CEP128: variants seen among roughly 807,000 people sequenced by gnomAD.
CEP128 encodes centrosomal protein 128, also known as centrosomal protein 128kDa.
In CEP128, 132 loss-of-function variants were observed where a neutral mutation model predicts 156.7. The ratio of observed to expected loss-of-function variants is 0.84; its 90% CI spans 0.73 to 0.97. CEP128 has a LOEUF of 0.97. Among genes scored for constraint, CEP128 ranks in the 50% least tolerant of loss-of-function variants. The pLI is 0.00. For synonymous variants in CEP128, 469 were observed against 448.9 expected (o/e 1.04, Z -0.57); for missense variants, 1,252 against 1,281.9 (o/e 0.98, Z 0.36).
chr14:80,931,492 CTT>C (rs1885465146), intron 2 of CEP128, among the ~76,000 whole-genome samples: 1 of 152,188 alleles, frequency 6.6e-6, no homozygotes, highest in Non-Finnish European at 1.5e-5. Context: ...CACATCATCT[CTT>C]ATACACAGAA....
rs183482782 is a variant in CEP128, at chr14:80,765,407, G to A, written c.2377-3794C>T. Among the ~76,000 whole-genome samples the A allele has an allele frequency of 7.9e-5, 12 of 152,244 alleles. No individual in the cohort carries two copies. The East Asian group carries it at 1.7e-3, about 22-fold the overall frequency. On this transcript the variant is annotated intron_variant, in intron 16 of 24. Transcript: ENST00000555265. ...ATTTAGAGGCATTCAAATAAGTAACGGCAGATGATAATATTTAGGCACTAT... is the reference window on the plus strand; with the variant it reads ...ATTTAGAGGCATTCAAATAAGTAACAGCAGATGATAATATTTAGGCACTAT...
At chr14:80,749,315 G>T (rs757040391) in intron 18 of CEP128, among the ~76,000 whole-genome samples, 1 of 152,200 alleles carries the variant, frequency 6.6e-6, no homozygotes, top group Non-Finnish European at 1.5e-5. Flanking sequence ...TCAGGATAGC[G>T]ATGTCTGCGC....
chr14:80,838,104 A>G (rs1886174278), intron 11 of CEP128, 100 bp downstream of exon 11: 1 of 788,168 alleles, frequency 1.3e-6, no homozygotes, highest in Non-Finnish European at 2.1e-6. Context: ...CATTTTTTCT[A>G]GACCTAGTTC....
At chr14:80,763,249 G>T (rs2139694278) in intron 16 of CEP128, among the ~76,000 whole-genome samples, 1 of 152,204 alleles carries the variant, frequency 6.6e-6, no homozygotes, top group Admixed American at 6.5e-5. Context: ...ATTCTTCTAG[G>T]TAGTATTTGC....
At chr14:80,624,747 C>A (rs1260896684) in intron 19 of CEP128, among the ~76,000 whole-genome samples, 1 of 152,034 alleles carries the variant, frequency 6.6e-6, no homozygotes, top group East Asian at 1.9e-4. Context: ...TACTCAGACC[C>A]TTGGCCCATT....
At chr14:80,818,735 T>C (rs1406580221) in intron 13 of CEP128, among the ~76,000 whole-genome samples, 1 of 152,246 alleles carries the variant, frequency 6.6e-6, no homozygotes, top group Non-Finnish European at 1.5e-5. Flanking sequence ...CTCCATTACT[T>C]GCAACCTAGA....
Position 80,563,793 on chromosome 14 carries a change from C to A in CEP128, c.2857-4491G>T, listed in dbSNP as rs553948968. Among the ~76,000 whole-genome samples, 556 of 152,158 alleles carry A rather than the reference C, an allele frequency of 3.7e-3. 5 individuals carry two copies. Among genetic ancestry groups the A allele is most frequent in the African/African-American group, 0.013 (535 of 41,516 alleles). On this transcript the variant is annotated intron_variant, in intron 20 of 24. Transcript: ENST00000555265. ...CTCGTGATCCGCCTGCCTCGGCCTCCCAAAGTGCTGGGATTACAGGCGTGA... is the reference window on the plus strand; with the variant it reads ...CTCGTGATCCGCCTGCCTCGGCCTCACAAAGTGCTGGGATTACAGGCGTGA...
chr14:80,817,558 T>C (rs1170545574), intron 13 of CEP128, among the ~76,000 whole-genome samples: 1 of 152,140 alleles, frequency 6.6e-6, no homozygotes, highest in Non-Finnish European at 1.5e-5. Context: ...ACAAAAATTC[T>C]GGAATTGAAA....
chr14:80,609,288 A>C (rs1892905156), intron 19 of CEP128, among the ~76,000 whole-genome samples: 1 of 152,126 alleles, frequency 6.6e-6, no homozygotes, highest in Non-Finnish European at 1.5e-5. Context: ...TCCAAAAAGT[A>C]ACCTTGGTTA....
chr14:80,767,013 T>A (rs1900272820), intron 16 of CEP128, among the ~76,000 whole-genome samples: 1 of 152,150 alleles, frequency 6.6e-6, no homozygotes, highest in Non-Finnish European at 1.5e-5. Flanking sequence ...AAGCTTTAAA[T>A]CCAGGACACT....
At chr14:80,846,983 G>C (rs1566667600) in intron 9 of CEP128, among the ~76,000 whole-genome samples, 1 of 152,230 alleles carries the variant, frequency 6.6e-6, no homozygotes, top group East Asian at 1.9e-4. Context: ...ATACCAGAAA[G>C]ATAATATAGC....
downstream of CEP128, among the ~76,000 whole-genome samples, chr14:80,487,942 C>T (rs551629204): frequency 1.3e-5 from 2 of 151,612 alleles, no homozygotes; most frequent in East Asian, 2.0e-4. Flanking sequence ...CCAAAATTGA[C>T]ACCCTAATGT....
chr14:80,937,048 T>C (rs1026644638), intron 2 of CEP128, among the ~76,000 whole-genome samples: 7 of 151,986 alleles, frequency 4.6e-5, no homozygotes, highest in African/African-American at 1.7e-4. Flanking sequence ...CCAGGCGCAG[T>C]GGCCCATGCC....
At chr14:80,927,051 C>T (rs959869894) in intron 2 of CEP128, among the ~76,000 whole-genome samples, 4 of 152,230 alleles carry the variant, frequency 2.6e-5, no homozygotes, top group Non-Finnish European at 5.9e-5. Context: ...TAGACATTCT[C>T]CAGCTCCAGC....
At chr14:80,584,600 A>T (rs1040147849) in intron 19 of CEP128, among the ~76,000 whole-genome samples, 11 of 152,212 alleles carry the variant, frequency 7.2e-5, no homozygotes. Flanking sequence ...ATTTGGAATG[A>T]TGAACACGGT....
chr14:80,642,391 T>C (rs10136394), intron 19 of CEP128, among the ~76,000 whole-genome samples: 44,794 of 152,090 alleles, frequency 0.29, 8,022 homozygotes, highest in African/African-American at 0.5. Flanking sequence ...GACTTAAGAA[T>C]GAGAGAGACA....
At chr14:80,889,053 C>A (rs975927716) in intron 8 of CEP128, among the ~76,000 whole-genome samples, 1 of 152,022 alleles carries the variant, frequency 6.6e-6, no homozygotes, top group African/African-American at 2.4e-5. Flanking sequence ...AAATAAAATA[C>A]CTAGGAATAC....
intron 18 of CEP128, among the ~76,000 whole-genome samples, chr14:80,747,908 AC>A: frequency 6.6e-6 from 1 of 152,184 alleles, no homozygotes; most frequent in Non-Finnish European, 1.5e-5. Flanking sequence ...CTGATTTTCT[AC>A]TTGAGGTGAT....
At chr14:80,652,031 T>C (rs532782694) in intron 19 of CEP128, among the ~76,000 whole-genome samples, 8 of 152,136 alleles carry the variant, frequency 5.3e-5, no homozygotes, top group Admixed American at 5.2e-4. Context: ...TCTCCCACTA[T>C]TATGGTGTGG....
Sources: gnomAD v4.1 joint callset for allele counts (sites outside exome capture counted in the v4.1 genomes callset) on GRCh38, gnomAD v4.1.1 for gene constraint, MANE v1.5 for transcripts, NCBI Gene and HGNC (gene_info 2026-07-23, HGNC 2026-07-21) for gene names.